The following LINGO2 variants were observed in gnomAD, a reference collection of about 807,000 sequenced individuals.
The protein encoded by LINGO2 is leucine-rich repeat and immunoglobulin-like domain-containing nogo receptor-interacting protein 2.
LINGO2 carries 14 observed loss-of-function variants against 30.6 expected under a neutral mutation model. That is an observed-to-expected ratio of 0.46 (90% CI 0.30 to 0.72). The LOEUF is 0.72. LINGO2 is among the 30% of genes least tolerant of loss of function. The pLI is 0.07. For synonymous variants in LINGO2, 317 were observed against 288.5 expected, an observed-to-expected ratio of 1.10 and a Z score of -1.00; for missense variants, 729 against 751.7, an observed-to-expected ratio of 0.97 and a Z score of 0.35.
intron 1 of LINGO2, among the ~76,000 whole-genome samples, chr9:28,555,840 A>G (rs1243318936): frequency 6.6e-6 from 1 of 152,126 alleles, no homozygotes; most frequent in Non-Finnish European, 1.5e-5. Context: ...AGGCTGGTTC[A>G]ATATAAGCAA....
chr9:28,449,636 T>C (rs1447264130), intron 2 of LINGO2, among the ~76,000 whole-genome samples: 1 of 152,068 alleles, frequency 6.6e-6, no homozygotes, highest in Non-Finnish European at 1.5e-5. Context: ...GAAGAATCAA[T>C]TCTTTATTAC....
At chr9:28,847,453 C>T in the LINGO2 span, among the ~76,000 whole-genome samples, 2 of 146,580 alleles carry the variant, frequency 1.4e-5, no homozygotes, top group Non-Finnish European at 3.0e-5. Flanking sequence ...GCACATGAGA[C>T]TCATGGGCAG....
intron 4 of LINGO2, among the ~76,000 whole-genome samples, chr9:28,208,225 G>GA (rs1237259746): frequency 3.3e-5 from 5 of 151,776 alleles, no homozygotes; most frequent in African/African-American, 1.2e-4. Flanking sequence ...TTTTCGTTTT[G>GA]ATTTAAAAAT....
At chr9:27,956,167 C>T (rs932083441) in intron 5 of LINGO2, among the ~76,000 whole-genome samples, 4 of 152,054 alleles carry the variant, frequency 2.6e-5, no homozygotes, top group Non-Finnish European at 5.9e-5. Flanking sequence ...TCTCGAACTC[C>T]GGAGACCTCA....
At chr9:28,709,783 C>A in the LINGO2 span, among the ~76,000 whole-genome samples, 5 of 151,804 alleles carry the variant, frequency 3.3e-5, no homozygotes, top group African/African-American at 1.2e-4. Context: ...TAGCTACTTA[C>A]ACAAATATAC....
At chr9:29,036,028 G>T in the LINGO2 span, among the ~76,000 whole-genome samples, 1 of 152,160 alleles carries the variant, frequency 6.6e-6, no homozygotes, top group Non-Finnish European at 1.5e-5. Flanking sequence ...ATCACAGAAT[G>T]GTGGGGATAG....
chr9:28,591,333 C>CTGAT, intron 1 of LINGO2, among the ~76,000 whole-genome samples: 1 of 151,940 alleles, frequency 6.6e-6, no homozygotes, highest in East Asian at 1.9e-4. Flanking sequence ...ATAAAAGTCA[C>CTGAT]TGATTGGGAG....
intron 1 of LINGO2, among the ~76,000 whole-genome samples, chr9:28,564,814 C>T (rs1293548912): frequency 6.6e-6 from 1 of 152,110 alleles, no homozygotes; most frequent in African/African-American, 2.4e-5. Context: ...CTCTACTGCA[C>T]TAGCCACATT....
At chr9:29,148,941 GA>G in the LINGO2 span, among the ~76,000 whole-genome samples, 1 of 152,168 alleles carries the variant, frequency 6.6e-6, no homozygotes, top group East Asian at 1.9e-4. Flanking sequence ...ACCTGAATAG[GA>G]AAAAGTGTTT....
chr9:29,004,125 C>A, the LINGO2 span, among the ~76,000 whole-genome samples: 1 of 151,888 alleles, frequency 6.6e-6, no homozygotes, highest in African/African-American at 2.4e-5. Flanking sequence ...ATAAGTTATA[C>A]AAAAGAAAGA....
chr9:28,830,870 A>C, the LINGO2 span, among the ~76,000 whole-genome samples: 1 of 152,158 alleles, frequency 6.6e-6, no homozygotes, highest in Admixed American at 6.5e-5. Context: ...ATGCATGTTC[A>C]CTTGCATGCG....
the LINGO2 span, among the ~76,000 whole-genome samples, chr9:28,836,531 G>C: frequency 1.3e-5 from 2 of 151,972 alleles, no homozygotes. Flanking sequence ...GGTCAGGCTG[G>C]TCTCAAACTC....
At chr9:28,250,215 A>G (rs1822148154) in intron 4 of LINGO2, among the ~76,000 whole-genome samples, 1 of 152,168 alleles carries the variant, frequency 6.6e-6, no homozygotes, top group African/African-American at 2.4e-5. Context: ...TTATGCCACT[A>G]TTTTCAAAAT....
chr9:28,725,662 G>T, the LINGO2 span, among the ~76,000 whole-genome samples: 1 of 149,538 alleles, frequency 6.7e-6, no homozygotes, highest in Non-Finnish European at 1.5e-5. Context: ...AACAAAAGAA[G>T]ATATAAAGGA....
At chr9:28,670,235 G>A (rs1056672305) in exon 1 of LINGO2, 6 of 152,074 alleles carry the variant, frequency 3.9e-5, no homozygotes, top group African/African-American at 9.7e-5. Flanking sequence ...CACTTTAGAA[G>A]TGCAGGCAGC....
chr9:29,183,113 A>C, the LINGO2 span, among the ~76,000 whole-genome samples: 4 of 152,222 alleles, frequency 2.6e-5, no homozygotes, highest in Non-Finnish European at 4.4e-5. Context: ...TAAAAGGAAA[A>C]GCAATGAGAA....
intron 1 of LINGO2, among the ~76,000 whole-genome samples, chr9:28,611,963 G>A (rs1376012584): frequency 6.6e-6 from 1 of 152,034 alleles, no homozygotes; most frequent in Non-Finnish European, 1.5e-5. Context: ...TGGGACTACA[G>A]GTGCCAGCCA....
chr9:28,853,205 T>A, the LINGO2 span, among the ~76,000 whole-genome samples: 1 of 152,070 alleles, frequency 6.6e-6, no homozygotes, highest in Non-Finnish European at 1.5e-5. Context: ...GAGGGATTCC[T>A]CTTGGGGACC....
chr9:28,812,765 G>A, the LINGO2 span, among the ~76,000 whole-genome samples: 4 of 152,138 alleles, frequency 2.6e-5, no homozygotes, highest in African/African-American at 9.7e-5. Flanking sequence ...ATAAAAGCAA[G>A]AGAGACATGG....
Sources: allele counts gnomAD v4.1 joint callset (sites outside exome capture counted in the v4.1 genomes callset), GRCh38; gene constraint gnomAD v4.1.1; transcripts MANE v1.5; gene names NCBI Gene and HGNC (gene_info 2026-07-23, HGNC 2026-07-21).